CNR2: variants seen among roughly 807,000 people sequenced by gnomAD.
CNR2 encodes cannabinoid receptor 2, also known as cannabinoid receptor 2 (macrophage).
For missense variants in CNR2, 379 were observed against 439.9 expected, an observed-to-expected ratio of 0.86 and a Z score of 1.24; for synonymous variants, 172 against 182.2, an observed-to-expected ratio of 0.94 and a Z score of 0.45.
chr1:23,890,745 C>CA lies in CNR2; in HGVS notation c.-45-15084dup, dbSNP rs34698652. On this transcript the variant is annotated intron_variant, in intron 1 of 1. Transcript: ENST00000374472. ...GGGCAACAAGAGTGAGACTCTGTCTCAAAAAAAAAAAAAAGAAATAGATCA... is the reference window on the plus strand; with the variant it reads ...GGGCAACAAGAGTGAGACTCTGTCTCAAAAAAAAAAAAAAAGAAATAGATCA... Among the ~76,000 whole-genome samples the CA allele has an allele frequency of 4.1e-4, 57 of 140,094 alleles. 1 individual carries two copies. The highest frequency in any genetic ancestry group is 7.5e-3 in the Middle Eastern group (2 of 268). 91.9% of individuals were successfully genotyped at this position (140,094 alleles called of 152,430 possible).
At chr1:23,881,430 TAAAAATAC>T in intron 1 of CNR2, among the ~76,000 whole-genome samples, 1 of 149,522 alleles carries the variant, frequency 6.7e-6, no homozygotes, top group Middle Eastern at 3.6e-3. Flanking sequence ...CCATCTCTAC[TAAAAATAC>T]AAAAATTAAC....
chr1:23,895,422 C>T (rs1249059895), intron 1 of CNR2, among the ~76,000 whole-genome samples: 1 of 152,188 alleles, frequency 6.6e-6, no homozygotes, highest in Admixed American at 6.5e-5. Flanking sequence ...TCAACTATTC[C>T]ATGAGCAAAT....
At chr1:23,891,686 C>T (rs1302914651) in intron 1 of CNR2, among the ~76,000 whole-genome samples, 3 of 151,912 alleles carry the variant, frequency 2.0e-5, no homozygotes, top group African/African-American at 4.8e-5. Context: ...CAAAACCCAC[C>T]TCCTCCAAGA....
chr1:23,896,741 C>T (rs1201498223), intron 1 of CNR2, among the ~76,000 whole-genome samples: 7 of 152,142 alleles, frequency 4.6e-5, no homozygotes, highest in African/African-American at 1.4e-4. Context: ...CCAGGGAGCA[C>T]CTGCTAGCTT....
At chr1:23,892,100 C>T (rs542607506) in intron 1 of CNR2, among the ~76,000 whole-genome samples, 1 of 152,268 alleles carries the variant, frequency 6.6e-6, no homozygotes, top group East Asian at 1.9e-4. Flanking sequence ...TGTTCCTGGC[C>T]CGGAGAACCA....
Position 23,874,302 on chromosome 1 carries a change from G to A in CNR2, c.*233C>T, listed in dbSNP as rs941252951. ...ACTGACCCTGTCCCAGGCCTTTTGT[G>A]TCTCGCCTACCTGGCTACTCCTCGT... On this transcript the variant is annotated 3_prime_UTR_variant, in exon 2 of 2. Transcript: ENST00000374472. The A allele has an allele frequency of 1.2e-4, 58 of 503,050 alleles. No individual in the cohort carries two copies. Among genetic ancestry groups the A allele is most frequent in the African/African-American group, 8.8e-4 (46 of 52,158 alleles). 31.2% of individuals were successfully genotyped at this position (503,050 alleles called of 1,614,324 possible).
intron 1 of CNR2, among the ~76,000 whole-genome samples, chr1:23,894,294 G>T (rs1037089442): frequency 6.6e-6 from 1 of 151,838 alleles, no homozygotes; most frequent in Non-Finnish European, 1.5e-5. Flanking sequence ...GTTGTGGCTC[G>T]CCTGTAATCC....
At chr1:23,888,832 G>T (rs1023140005) in intron 1 of CNR2, among the ~76,000 whole-genome samples, 10 of 152,228 alleles carry the variant, frequency 6.6e-5, no homozygotes, top group Admixed American at 3.3e-4. Context: ...AGCCAGGAGT[G>T]GGGGCAGGTG....
chr1:23,897,238 C>A (rs1476551718), intron 1 of CNR2, among the ~76,000 whole-genome samples: 1 of 152,044 alleles, frequency 6.6e-6, no homozygotes. Flanking sequence ...CAATTAATCA[C>A]ATGGGGCAGA....
Position 23,897,340 on chromosome 1 carries a change from A to G in CNR2, c.-46+15906T>C, listed in dbSNP as rs750143493. On this transcript the variant is annotated intron_variant, in intron 1 of 1. Coordinates refer to ENST00000374472, the MANE Select transcript of CNR2 (RefSeq NM_001841.3). ...AGAAGTTCTCAAACTTCGTGGTCTC[A>G]GCGACCCTTTACCGTCTTAAAAGTT... 8.5e-4 allele frequency among the ~76,000 whole-genome samples: 129 copies of G among 152,190 alleles called. 1 individual carries two copies. Among genetic ancestry groups the G allele is most frequent in the Non-Finnish European group, 1.2e-3 (80 of 68,048 alleles).
intron 1 of CNR2, among the ~76,000 whole-genome samples, chr1:23,893,478 T>C (rs1640222436): frequency 6.6e-6 from 1 of 152,212 alleles, no homozygotes; most frequent in Non-Finnish European, 1.5e-5. Context: ...CTATGTTCTG[T>C]ATGTGCAGAT....
chr1:23,891,635 A>AAAAAAAAG (rs58607626), intron 1 of CNR2, among the ~76,000 whole-genome samples: 4 of 131,002 alleles, frequency 3.1e-5, no homozygotes, highest in East Asian at 2.2e-4. Flanking sequence ...AAAAAAAAAA[A>AAAAAAAAG]AAAGCCCAAA....
intron 1 of CNR2, among the ~76,000 whole-genome samples, chr1:23,890,135 T>C (rs1271189436): frequency 6.6e-6 from 1 of 151,316 alleles, no homozygotes; most frequent in Non-Finnish European, 1.5e-5. Flanking sequence ...GGTGCATGTA[T>C]GTAGTCCCAG....
chr1:23,876,638 A>T (rs1014661712), intron 1 of CNR2, among the ~76,000 whole-genome samples: 1 of 152,024 alleles, frequency 6.6e-6, no homozygotes, highest in African/African-American at 2.4e-5. Flanking sequence ...GATCGAGAAC[A>T]TCCTGGTTAA....
intron 1 of CNR2, among the ~76,000 whole-genome samples, chr1:23,898,346 T>C (rs1344068439): frequency 3.1e-5 from 4 of 129,204 alleles, no homozygotes; most frequent in Non-Finnish European, 3.3e-5. Flanking sequence ...TTTTTTTTTT[T>C]TTTTTTTTTT....
intron 1 of CNR2, chr1:23,902,438 G>A: frequency 1.3e-6 from 2 of 1,590,838 alleles, no homozygotes; most frequent in Non-Finnish European, 1.7e-6. Flanking sequence ...CTGGGACGAT[G>A]TACTTCTTAG....
chr1:23,899,228 G>A lies in CNR2; in HGVS notation c.-46+14018C>T, dbSNP rs115045503. 3.0e-3 allele frequency among the ~76,000 whole-genome samples: 461 copies of A among 152,208 alleles called. 5 individuals carry two copies. Among genetic ancestry groups the A allele is most frequent in the African/African-American group, 0.01 (435 of 41,530 alleles). The stretch of plus-strand genomic sequence containing the variant: ...GGTCACAAAGTTTGTAAATGGCAGA[G>A]TCAGAATTCAGACTCATATATCTGG... On this transcript the variant is annotated intron_variant, in intron 1 of 1. Coordinates refer to ENST00000374472, the MANE Select transcript of CNR2 (RefSeq NM_001841.3).
intron 1 of CNR2, among the ~76,000 whole-genome samples, chr1:23,877,487 T>G (rs973823043): frequency 1.3e-5 from 2 of 151,634 alleles, no homozygotes; most frequent in Non-Finnish European, 2.9e-5. Context: ...TACAAAAAAT[T>G]AGCTGGGCAT....
intron 1 of CNR2, among the ~76,000 whole-genome samples, chr1:23,883,394 T>G (rs905009507): frequency 6.6e-6 from 1 of 152,238 alleles, no homozygotes; most frequent in African/African-American, 2.4e-5. Flanking sequence ...TGTACAAGAA[T>G]GTTCTCTTTG....
Sources: allele counts gnomAD v4.1 joint callset (sites outside exome capture counted in the v4.1 genomes callset), GRCh38; gene constraint gnomAD v4.1.1; transcripts MANE v1.5; gene names NCBI Gene and HGNC (gene_info 2026-07-23, HGNC 2026-07-21).